ST8SIA5: variants seen among roughly 807,000 people sequenced by gnomAD.
ST8SIA5 encodes alpha-2,8-sialyltransferase 8E.
In ST8SIA5, 24 loss-of-function variants were observed where a neutral mutation model predicts 40.2. That is an observed-to-expected ratio of 0.60 (90% CI 0.43 to 0.84). The LOEUF (loss-of-function observed/expected upper bound fraction) is 0.84. ST8SIA5 is among the 40% of genes least tolerant of loss of function. The pLI is 0.00. For missense variants in ST8SIA5, 465 were observed against 498.5 expected (o/e 0.93, Z 0.64); for synonymous variants, 198 against 201.8 (o/e 0.98, Z 0.16).
At chr18:46,694,086 T>C (rs1031186130) in intron 2 of ST8SIA5, among the ~76,000 whole-genome samples, 1 of 152,184 alleles carries the variant, frequency 6.6e-6, no homozygotes, top group African/African-American at 2.4e-5. Context: ...GTGAGAGTCA[T>C]GAGATCCAGA....
intron 1 of ST8SIA5, among the ~76,000 whole-genome samples, chr18:46,716,356 T>C (rs9946000): frequency 0.11 from 17,375 of 152,084 alleles, 1,758 homozygotes; most frequent in East Asian, 0.44. Flanking sequence ...TGTCATCTAT[T>C]TGGGGCTTGC....
At chr18:46,697,347 C>A (rs1186552062) in intron 2 of ST8SIA5, among the ~76,000 whole-genome samples, 1 of 151,716 alleles carries the variant, frequency 6.6e-6, no homozygotes, top group Non-Finnish European at 1.5e-5. Context: ...ATTGGAGGAA[C>A]AAAACAGAAC....
At chr18:46,692,582 T>G (rs1316046510) in intron 2 of ST8SIA5, among the ~76,000 whole-genome samples, 1 of 152,024 alleles carries the variant, frequency 6.6e-6, no homozygotes, top group African/African-American at 2.4e-5. Flanking sequence ...TTGTACTTTT[T>G]GGTAGCGATG....
At chr18:46,737,979 C>T (rs1317401411) in intron 1 of ST8SIA5, among the ~76,000 whole-genome samples, 1 of 151,964 alleles carries the variant, frequency 6.6e-6, no homozygotes, top group Admixed American at 6.6e-5. Context: ...CCACGTTGGC[C>T]AGGCTGGTCT....
intron 1 of ST8SIA5, among the ~76,000 whole-genome samples, chr18:46,709,637 C>T (rs545197913): frequency 6.6e-6 from 1 of 152,120 alleles, no homozygotes; most frequent in East Asian, 1.9e-4. Context: ...TGTCTAATGA[C>T]ATAAGAAGAT....
intron 2 of ST8SIA5, among the ~76,000 whole-genome samples, chr18:46,700,613 G>A (rs1001493580): frequency 1.3e-5 from 2 of 152,172 alleles, no homozygotes; most frequent in African/African-American, 2.4e-5. Flanking sequence ...CCAGCCTCTC[G>A]TTCCCTCTCA....
intron 1 of ST8SIA5, among the ~76,000 whole-genome samples, chr18:46,729,230 C>T (rs566942270): frequency 5.1e-4 from 77 of 152,306 alleles, no homozygotes; most frequent in African/African-American, 1.7e-3. Context: ...CCTCACTCAG[C>T]GGTCACCTCT....
intron 1 of ST8SIA5, among the ~76,000 whole-genome samples, chr18:46,754,257 C>A (rs140313902): frequency 1.1e-4 from 17 of 152,052 alleles, no homozygotes; most frequent in Non-Finnish European, 2.5e-4. Flanking sequence ...CATCTCTGCA[C>A]CTTTGCTCCT....
At chr18:46,738,693 C>A (rs1338516092) in intron 1 of ST8SIA5, among the ~76,000 whole-genome samples, 1 of 152,144 alleles carries the variant, frequency 6.6e-6, no homozygotes, top group Non-Finnish European at 1.5e-5. Context: ...GAGAACCACA[C>A]TCTGGATAGA....
intron 3 of ST8SIA5, among the ~76,000 whole-genome samples, chr18:46,691,071 T>C (rs1164746468): frequency 6.6e-6 from 1 of 152,186 alleles, no homozygotes; most frequent in Non-Finnish European, 1.5e-5. Flanking sequence ...CAGTAACATT[T>C]CTAAGGGGCC....
intron 3 of ST8SIA5, among the ~76,000 whole-genome samples, chr18:46,691,160 G>A (rs575054178): frequency 1.3e-5 from 2 of 152,288 alleles, no homozygotes; most frequent in East Asian, 3.9e-4. Context: ...TCTTATGATA[G>A]GTGAGTCTCT....
chr18:46,690,003 C>T (rs11659721), intron 3 of ST8SIA5, among the ~76,000 whole-genome samples: 37,981 of 151,994 alleles, frequency 0.25, 5,702 homozygotes, highest in Middle Eastern at 0.42. Flanking sequence ...CAGAATGTAA[C>T]AGAAGCTTCC....
chr18:46,688,829 C>T lies in ST8SIA5; in HGVS notation c.402G>A (p.Val134=). The T allele has an allele frequency of 6.2e-7, 1 of 1,614,008 alleles. No homozygotes were observed. The highest frequency in any genetic ancestry group is 8.5e-7 in the Non-Finnish European group (1 of 1,179,974). ...TPLGTKLKYE[V]DTSGIYHINQ... is the part of the protein sequence containing the mutation. ...TGATGTGGTAGATGCCACTGGTGTC[C>T]ACCTCATACTTGAGCTTTGTCCCCA... Residue 134 remains valine (V), a synonymous_variant, in exon 4 of 7, where the codon GTG becomes GTA. Coordinates refer to ENST00000315087, the MANE Select transcript of ST8SIA5 (RefSeq NM_013305.6).
intron 1 of ST8SIA5, among the ~76,000 whole-genome samples, chr18:46,739,544 G>C (rs1356810550): frequency 6.6e-6 from 1 of 152,134 alleles, no homozygotes; most frequent in Non-Finnish European, 1.5e-5. Context: ...GAAAAAAATA[G>C]ATCCTTGGCT....
At chr18:46,725,957 C>A (rs1205048151) in intron 1 of ST8SIA5, among the ~76,000 whole-genome samples, 2 of 17,324 alleles carry the variant, frequency 1.2e-4, no homozygotes, top group African/African-American at 2.8e-4. Context: ...CCCATCTCTA[C>A]TTAAAAAAAA....
intron 1 of ST8SIA5, among the ~76,000 whole-genome samples, chr18:46,733,325 A>G (rs1053652513): frequency 6.6e-6 from 1 of 152,234 alleles, no homozygotes; most frequent in African/African-American, 2.4e-5. Context: ...AATCACTTGC[A>G]TTGGACCTCA....
At chr18:46,697,149 C>CA (rs1351353098) in intron 2 of ST8SIA5, among the ~76,000 whole-genome samples, 3 of 143,482 alleles carry the variant, frequency 2.1e-5, no homozygotes, top group Non-Finnish European at 3.0e-5. Context: ...AAAAAGGTAT[C>CA]ATTTACAGTT....
chr18:46,729,359 C>G (rs1167086554), intron 1 of ST8SIA5, among the ~76,000 whole-genome samples: 3 of 77,208 alleles, frequency 3.9e-5, no homozygotes, highest in Non-Finnish European at 8.5e-5. Context: ...CTTAAGCAAC[C>G]AGAGTGGGGA....
At chr18:46,706,916 G>A (rs1448228637) in intron 1 of ST8SIA5, among the ~76,000 whole-genome samples, 1 of 152,152 alleles carries the variant, frequency 6.6e-6, no homozygotes, top group Admixed American at 6.5e-5. Context: ...ACTGCAATTT[G>A]GGGAGGAATT....
Sources: gnomAD v4.1 joint callset for allele counts (sites outside exome capture counted in the v4.1 genomes callset) on GRCh38, gnomAD v4.1.1 for gene constraint, MANE v1.5 for transcripts, NCBI Gene and HGNC (gene_info 2026-07-23, HGNC 2026-07-21) for gene names.